SPDYE12: variants seen among roughly 807,000 people sequenced by gnomAD.
The protein encoded by SPDYE12 is speedy/RINGO cell cycle regulator family member E12, also known as speedy protein E12.
chr7:74,910,081 A>C, the SPDYE12 span, among the ~76,000 whole-genome samples: 12 of 148,764 alleles, frequency 8.1e-5, no homozygotes, highest in Non-Finnish European at 1.6e-4. Context: ...ATAAAAAGAC[A>C]AAGAATAGCC....
the SPDYE12 span, chr7:74,911,035 A>G: frequency 1.5e-6 from 1 of 645,588 alleles, no homozygotes. Flanking sequence ...AGAGGGGAGA[A>G]TGACTTTCAC....
the SPDYE12 span, chr7:74,909,579 A>T: frequency 6.4e-7 from 1 of 1,559,758 alleles, no homozygotes; most frequent in Non-Finnish European, 8.8e-7. Flanking sequence ...GGCCCGGCTG[A>T]AATACGCTAT....
the SPDYE12 span, among the ~76,000 whole-genome samples, chr7:74,907,384 C>G: frequency 1.2e-3 from 186 of 151,152 alleles, no homozygotes; most frequent in East Asian, 0.019. Context: ...CACTTGAGGC[C>G]AGGAGTTTGA....
chr7:74,909,053 C>CTTTT, the SPDYE12 span, among the ~76,000 whole-genome samples: 31 of 46,270 alleles, frequency 6.7e-4, no homozygotes, highest in African/African-American at 9.2e-4. Context: ...TTTTTTTTGG[C>CTTTT]TTTTTTTTTT....
chr7:74,908,582 G>A, the SPDYE12 span, among the ~76,000 whole-genome samples: 9 of 142,842 alleles, frequency 6.3e-5, no homozygotes, highest in African/African-American at 2.3e-4. Context: ...TCTGCTTGCT[G>A]GGGGAAGTGT....
At chr7:74,906,359 C>A in the SPDYE12 span, among the ~76,000 whole-genome samples, 2,367 of 74,882 alleles carry the variant, frequency 0.032, 648 homozygotes, top group African/African-American at 0.11. Flanking sequence ...CAGGGTCTCA[C>A]TCTGTCGCCT....
At chr7:74,909,574 G>A in the SPDYE12 span, 35 of 1,569,176 alleles carry the variant, frequency 2.2e-5, no homozygotes, top group African/African-American at 4.1e-5. Flanking sequence ...AGGCCGGCCC[G>A]GCTGAAATAC....
At chr7:74,909,507 C>A in the SPDYE12 span, 42 of 1,527,070 alleles carry the variant, frequency 2.8e-5, 1 homozygote, top group East Asian at 2.0e-4. Flanking sequence ...GGATAGGAGG[C>A]AGCAAACCAC....
At chr7:74,904,758 C>A in the SPDYE12 span, among the ~76,000 whole-genome samples, 1 of 149,044 alleles carries the variant, frequency 6.7e-6, no homozygotes. Flanking sequence ...CCAGTATTTC[C>A]AAAATATTTA....
chr7:74,904,638 G>A, the SPDYE12 span, among the ~76,000 whole-genome samples: 1 of 151,148 alleles, frequency 6.6e-6, no homozygotes, highest in Non-Finnish European at 1.5e-5. Flanking sequence ...AAAAGATTTA[G>A]GATGAAAAGA....
At chr7:74,907,409 AC>A in the SPDYE12 span, among the ~76,000 whole-genome samples, 1 of 151,506 alleles carries the variant, frequency 6.6e-6, no homozygotes, top group Non-Finnish European at 1.5e-5. Context: ...GGCCTGGGCA[AC>A]ATAGCAAGAC....
chr7:74,907,460 G>A, the SPDYE12 span, among the ~76,000 whole-genome samples: 3 of 151,400 alleles, frequency 2.0e-5, no homozygotes, highest in African/African-American at 7.2e-5. Flanking sequence ...CACCAGACGC[G>A]GTGGCTCATG....
the SPDYE12 span, among the ~76,000 whole-genome samples, chr7:74,910,669 A>G: frequency 5.3e-5 from 8 of 151,468 alleles, no homozygotes; most frequent in South Asian, 2.1e-4. Flanking sequence ...AGCCTGGGCA[A>G]CAGAGCAAGA....
the SPDYE12 span, among the ~76,000 whole-genome samples, chr7:74,907,562 T>A: frequency 6.6e-6 from 1 of 150,418 alleles, no homozygotes; most frequent in African/African-American, 2.4e-5. Flanking sequence ...AGAAACCCCA[T>A]CTATACTAAA....
At chr7:74,910,417 A>T in the SPDYE12 span, among the ~76,000 whole-genome samples, 1 of 150,030 alleles carries the variant, frequency 6.7e-6, no homozygotes, top group Admixed American at 6.7e-5. Context: ...CTGGTCAGAC[A>T]CAGTGCTGAC....
the SPDYE12 span, among the ~76,000 whole-genome samples, chr7:74,907,831 A>C: frequency 4.0e-5 from 6 of 149,674 alleles, no homozygotes; most frequent in Non-Finnish European, 7.4e-5. Flanking sequence ...CTGAGGTGGG[A>C]GGATCGCTTG....
chr7:74,910,254 C>T, the SPDYE12 span, among the ~76,000 whole-genome samples: 1 of 146,234 alleles, frequency 6.8e-6, no homozygotes, highest in Non-Finnish European at 1.5e-5. Flanking sequence ...TGCCTAGTCC[C>T]AGCTCCTCAG....
At chr7:74,906,190 C>T in the SPDYE12 span, among the ~76,000 whole-genome samples, 1 of 139,762 alleles carries the variant, frequency 7.2e-6, no homozygotes, top group African/African-American at 3.1e-5. Flanking sequence ...ATCCATAATC[C>T]TCCCTCCTCA....
the SPDYE12 span, among the ~76,000 whole-genome samples, chr7:74,906,157 C>T: frequency 2.5e-5 from 3 of 122,372 alleles, no homozygotes; most frequent in African/African-American, 7.4e-5. Flanking sequence ...GACAACATCA[C>T]GAACCACGAG....
Sources: allele counts gnomAD v4.1 joint callset (sites outside exome capture counted in the v4.1 genomes callset), GRCh38; gene constraint gnomAD v4.1.1; transcripts MANE v1.5; gene names NCBI Gene and HGNC (gene_info 2026-07-23, HGNC 2026-07-21).